The following BCAS3 variants were observed in gnomAD, a reference collection of about 807,000 sequenced individuals.
BCAS3 encodes the protein BCAS4/BCAS3 fusion.
Under a neutral mutation model 116.1 loss-of-function variants are expected in BCAS3, and 53 were observed. That is an observed-to-expected ratio of 0.46 (90% CI 0.37 to 0.57). BCAS3 has a LOEUF of 0.57. BCAS3 is among the 20% of genes least tolerant of loss of function. The pLI, the probability that BCAS3 is intolerant of heterozygous loss-of-function variation, is 0.00. For missense variants in BCAS3, 917 were observed against 1,165.4 expected, an observed-to-expected ratio of 0.79 and a Z score of 3.10; for synonymous variants, 391 against 408.2, an observed-to-expected ratio of 0.96 and a Z score of 0.51.
intron 19 of BCAS3, among the ~76,000 whole-genome samples, chr17:61,052,892 AT>A (rs1343211352): frequency 6.6e-6 from 1 of 150,744 alleles, no homozygotes; most frequent in African/African-American, 2.4e-5. Context: ...TAATTTTTTT[AT>A]TTTTAGTAGG....
intron 13 of BCAS3, among the ~76,000 whole-genome samples, chr17:60,937,251 T>A (rs1397328600): frequency 6.6e-6 from 1 of 152,044 alleles, no homozygotes; most frequent in African/African-American, 2.4e-5. Flanking sequence ...TTATATATCC[T>A]TCTCTGAATG....
At chr17:60,819,893 G>C (rs2049775301) in intron 7 of BCAS3, among the ~76,000 whole-genome samples, 1 of 152,064 alleles carries the variant, frequency 6.6e-6, no homozygotes, top group Non-Finnish European at 1.5e-5. Flanking sequence ...CTCCTTAATA[G>C]CTAGGACTAC....
chr17:61,290,662 T>C (rs528305292), intron 22 of BCAS3, among the ~76,000 whole-genome samples: 2 of 152,326 alleles, frequency 1.3e-5, no homozygotes, highest in East Asian at 3.9e-4. Context: ...TTTATTCCTT[T>C]ATAGTCAAAT....
chr17:61,359,723 T>A (rs910954577), intron 22 of BCAS3, among the ~76,000 whole-genome samples: 1 of 152,160 alleles, frequency 6.6e-6, no homozygotes, highest in African/African-American at 2.4e-5. Flanking sequence ...ACTCCTGACT[T>A]CAGGTGATCC....
chr17:61,237,722 C>T (rs2083177802), intron 22 of BCAS3, among the ~76,000 whole-genome samples: 1 of 152,184 alleles, frequency 6.6e-6, no homozygotes, highest in Non-Finnish European at 1.5e-5. Context: ...AAGTAACTTT[C>T]CCAAGACTGC....
intron 10 of BCAS3, chr17:60,900,198 A>AAG (rs1555603092): frequency 4.0e-5 from 6 of 148,582 alleles, no homozygotes; most frequent in Admixed American, 6.7e-5. Flanking sequence ...AAAAAAAAAA[A>AAG]AAAGAAAGAA....
intron 14 of BCAS3, among the ~76,000 whole-genome samples, chr17:60,975,312 G>C (rs1038456799): frequency 6.6e-6 from 1 of 152,168 alleles, no homozygotes; most frequent in African/African-American, 2.4e-5. Context: ...CAAGCCATTT[G>C]TTTAACCCAA....
chr17:61,334,955 G>A (rs1374236044), intron 22 of BCAS3, among the ~76,000 whole-genome samples: 3 of 152,180 alleles, frequency 2.0e-5, no homozygotes, highest in East Asian at 3.9e-4. Flanking sequence ...GGGAGAGCCT[G>A]AACCTGCCTG....
intron 22 of BCAS3, among the ~76,000 whole-genome samples, chr17:61,310,100 C>G (rs953740266): frequency 2.6e-5 from 4 of 152,152 alleles, no homozygotes; most frequent in Non-Finnish European, 5.9e-5. Context: ...GTGGGAGTTG[C>G]TATGGGTTTG....
At chr17:61,172,594 A>G (rs1601714640) in intron 22 of BCAS3, among the ~76,000 whole-genome samples, 1 of 149,232 alleles carries the variant, frequency 6.7e-6, no homozygotes, top group Non-Finnish European at 1.5e-5. Flanking sequence ...CTGAGATCGC[A>G]CCACTGCACT....
intron 22 of BCAS3, among the ~76,000 whole-genome samples, chr17:61,357,894 G>A (rs541493035): frequency 7.2e-5 from 11 of 151,866 alleles, no homozygotes; most frequent in African/African-American, 2.4e-4. Context: ...TTCCAGACCC[G>A]CCTGGCCAAC....
intron 22 of BCAS3, among the ~76,000 whole-genome samples, chr17:61,121,564 C>T (rs768932133): frequency 4.6e-5 from 7 of 152,078 alleles, no homozygotes; most frequent in Non-Finnish European, 8.8e-5. Flanking sequence ...ATTTATACAA[C>T]TTTATGGTAT....
intron 22 of BCAS3, among the ~76,000 whole-genome samples, chr17:61,090,080 C>A (rs1326620195): frequency 1.3e-5 from 2 of 152,110 alleles, no homozygotes; most frequent in Admixed American, 6.6e-5. Context: ...TTTGCTGAAA[C>A]CTTCAAGTCA....
intron 9 of BCAS3, among the ~76,000 whole-genome samples, chr17:60,877,708 C>A (rs1176307806): frequency 1.3e-5 from 2 of 152,138 alleles, no homozygotes; most frequent in African/African-American, 4.8e-5. Flanking sequence ...AAGTGAAATG[C>A]AGCTTTTAGT....
intron 7 of BCAS3, among the ~76,000 whole-genome samples, chr17:60,850,214 T>C (rs1437974108): frequency 2.0e-5 from 3 of 152,140 alleles, no homozygotes; most frequent in Non-Finnish European, 4.4e-5. Flanking sequence ...GTACATTGTG[T>C]GGCATTTGAG....
At chr17:61,067,493 C>T (rs571245969) in intron 19 of BCAS3, among the ~76,000 whole-genome samples, 3 of 148,590 alleles carry the variant, frequency 2.0e-5, no homozygotes, top group East Asian at 2.0e-4. Context: ...CTGAGGCAGG[C>T]GGATCATGAG....
At chr17:61,340,605 C>T (rs1319304546) in intron 22 of BCAS3, among the ~76,000 whole-genome samples, 1 of 152,150 alleles carries the variant, frequency 6.6e-6, no homozygotes, top group Non-Finnish European at 1.5e-5. Flanking sequence ...GTGTGCTTTC[C>T]TCCCTGCTGT....
rs370466423 is a variant in BCAS3 at position 60,839,960 on chromosome 17, G to T, written c.477-28616G>T. 1.9e-4 allele frequency among the ~76,000 whole-genome samples: 29 copies of T among 151,794 alleles called. 1 individual carries two copies. The highest frequency in any genetic ancestry group is 1.2e-3 in the Admixed American group (18 of 15,252). On this transcript the variant is annotated intron_variant, in intron 7 of 23. Coordinates refer to ENST00000407086, the MANE Select transcript of BCAS3 (RefSeq NM_017679.5). Reference sequence around the variant, plus strand: ...TGAAAATAATAAAAGTCTTTGTAAAGGAAAATGGTATTAATGTTTAGAATT... The same window carrying T: ...TGAAAATAATAAAAGTCTTTGTAAATGAAAATGGTATTAATGTTTAGAATT...
At position 61,199,661 on chromosome 17, in the gene BCAS3, G is replaced by C. The variant is rs1024214798; in HGVS notation, c.2425+115097G>C. Reference sequence around the variant, plus strand: ...TAACTTTGAACAGTGAACACAAAGGGTAATGAATTACTAATACCATAGTTC... The same window carrying C: ...TAACTTTGAACAGTGAACACAAAGGCTAATGAATTACTAATACCATAGTTC... On this transcript the variant is annotated intron_variant, in intron 22 of 23. Coordinates refer to ENST00000407086, the MANE Select transcript of BCAS3 (RefSeq NM_017679.5). The surrounding 1 kb of genome is among the most constrained non-coding windows in gnomAD (Gnocchi z 4.6). 4.6e-5 allele frequency among the ~76,000 whole-genome samples: 7 copies of C among 152,126 alleles called. No individual in the cohort carries two copies. The highest frequency in any genetic ancestry group is 8.8e-5 in the Non-Finnish European group (6 of 68,024).
Sources: gnomAD v4.1 joint callset for allele counts (sites outside exome capture counted in the v4.1 genomes callset) on GRCh38, gnomAD v4.1.1 for gene constraint, Gnocchi (gnomAD v3.1) non-coding constraint, MANE v1.5 for transcripts, NCBI Gene and HGNC (gene_info 2026-07-23, HGNC 2026-07-21) for gene names.